Variants in PCDH9 observed in about 807,000 individuals in gnomAD.
PCDH9 encodes protocadherin-9.
Under a neutral mutation model 70.6 loss-of-function variants are expected in PCDH9, and 24 were observed. The observed-to-expected ratio is 0.34, with a 90% confidence interval of 0.25 to 0.48. The LOEUF is 0.48. Among genes scored for constraint, PCDH9 ranks in the 20% least tolerant of loss-of-function variants. The pLI is 0.99. For missense variants in PCDH9, 1,281 were observed against 1,503.6 expected, an observed-to-expected ratio of 0.85 and a Z score of 2.45; for synonymous variants, 562 against 558.5, an observed-to-expected ratio of 1.01 and a Z score of -0.09.
intron 2 of PCDH9, among the ~76,000 whole-genome samples, chr13:67,080,809 C>CA (rs1471516366): frequency 6.6e-6 from 1 of 152,124 alleles, no homozygotes; most frequent in East Asian, 1.9e-4. Flanking sequence ...ACAGAAGTGT[C>CA]AACAGAACAA....
chr13:67,092,685 C>A (rs1453942037), intron 2 of PCDH9, among the ~76,000 whole-genome samples: 2 of 152,178 alleles, frequency 1.3e-5, no homozygotes, highest in African/African-American at 4.8e-5. Flanking sequence ...AGGTACTAAA[C>A]CGCATGATTT....
chr13:66,638,645 T>C (rs1391394974), intron 3 of PCDH9, among the ~76,000 whole-genome samples: 3 of 152,152 alleles, frequency 2.0e-5, no homozygotes, highest in Non-Finnish European at 4.4e-5. Flanking sequence ...AAACTAGCAA[T>C]TTTTTATGAG....
chr13:66,985,854 A>T (rs1445792429), intron 2 of PCDH9: 1 of 151,992 alleles, frequency 6.6e-6, no homozygotes, highest in African/African-American at 2.4e-5. Context: ...CCCTTAATCA[A>T]TCTGGAGAAA....
rs1460994347 is a variant in PCDH9, at chr13:67,080,439, T to C, written c.3036+144966A>G. 3.3e-5 allele frequency among the ~76,000 whole-genome samples: 5 copies of C among 152,286 alleles called. No homozygotes were observed. The East Asian group carries it at 5.8e-4, about 18-fold the overall frequency. On this transcript the variant is annotated intron_variant, in intron 2 of 4. Coordinates refer to ENST00000377865, the MANE Select transcript of PCDH9 (RefSeq NM_203487.3). ...AATGAGAAATGTGTAAAATGGTTAG[T>C]TGGATCAAAATTTTCAAAAATACTA...
At chr13:66,457,474 A>G (rs1372229705) in intron 4 of PCDH9, among the ~76,000 whole-genome samples, 1 of 152,106 alleles carries the variant, frequency 6.6e-6, no homozygotes, top group Non-Finnish European at 1.5e-5. Flanking sequence ...ACCTACAAAT[A>G]GAAAGGTTGT....
intron 2 of PCDH9, among the ~76,000 whole-genome samples, chr13:67,091,445 T>C (rs936816770): frequency 1.3e-5 from 2 of 152,184 alleles, no homozygotes; most frequent in Non-Finnish European, 2.9e-5. Flanking sequence ...TTTCATTGAA[T>C]ATGTTGATTG....
At chr13:66,465,509 C>A (rs960625710) in intron 4 of PCDH9, among the ~76,000 whole-genome samples, 5 of 151,902 alleles carry the variant, frequency 3.3e-5, no homozygotes, top group African/African-American at 1.2e-4. Context: ...TTATATACTT[C>A]AAAATAATTA....
chr13:66,643,636 C>G (rs1593828097), intron 3 of PCDH9, among the ~76,000 whole-genome samples: 4 of 152,078 alleles, frequency 2.6e-5, no homozygotes, highest in South Asian at 4.1e-4. Flanking sequence ...TTCTATATGT[C>G]AAAAGCTTCT....
chr13:66,845,293 G>A (rs940788929), intron 3 of PCDH9, among the ~76,000 whole-genome samples: 5 of 152,206 alleles, frequency 3.3e-5, no homozygotes, highest in African/African-American at 9.6e-5. Context: ...GGTGCCCAAA[G>A]TCCAGAGGGG....
chr13:66,762,195 C>T (rs2139252604), intron 3 of PCDH9, among the ~76,000 whole-genome samples: 1 of 152,096 alleles, frequency 6.6e-6, no homozygotes, highest in South Asian at 2.1e-4. Flanking sequence ...TTCACATTGC[C>T]AGGGTATATC....
chr13:66,694,865 A>G (rs1205489123), intron 3 of PCDH9, among the ~76,000 whole-genome samples: 1 of 151,860 alleles, frequency 6.6e-6, no homozygotes, highest in Non-Finnish European at 1.5e-5. Context: ...AATTAAATAA[A>G]TGAGCATTAC....
intron 4 of PCDH9, among the ~76,000 whole-genome samples, chr13:66,556,137 G>C (rs1961730506): frequency 6.6e-6 from 1 of 151,448 alleles, no homozygotes; most frequent in Admixed American, 6.6e-5. Flanking sequence ...GCATTTTTCT[G>C]CATCTTTGGG....
intron 2 of PCDH9, among the ~76,000 whole-genome samples, chr13:66,958,190 A>G (rs920821388): frequency 6.6e-6 from 1 of 152,240 alleles, no homozygotes; most frequent in African/African-American, 2.4e-5. Context: ...TGGTTGTAGC[A>G]GAGCAACTCC....
intron 2 of PCDH9, among the ~76,000 whole-genome samples, chr13:66,982,648 T>C (rs1414441764): frequency 1.3e-5 from 2 of 152,138 alleles, no homozygotes; most frequent in Non-Finnish European, 2.9e-5. Context: ...TCTTAGATAA[T>C]TTCTGCCACC....
intron 2 of PCDH9, among the ~76,000 whole-genome samples, chr13:67,054,293 C>T (rs950140393): frequency 6.6e-6 from 1 of 152,106 alleles, no homozygotes; most frequent in African/African-American, 2.4e-5. Flanking sequence ...TTTTAATTTG[C>T]AAATAAAGAT....
intron 4 of PCDH9, among the ~76,000 whole-genome samples, chr13:66,454,170 G>A (rs1300399400): frequency 6.6e-6 from 1 of 151,168 alleles, no homozygotes; most frequent in Non-Finnish European, 1.5e-5. Context: ...TTTAAAAAAA[G>A]CATTTTCTTT....
intron 3 of PCDH9, among the ~76,000 whole-genome samples, chr13:66,873,914 G>A (rs1233360000): frequency 1.5e-5 from 2 of 134,696 alleles, no homozygotes; most frequent in South Asian, 4.9e-4. Context: ...TTTTCTTTTC[G>A]TTTCTTTTTT....
At chr13:67,182,943 A>G (rs1236762779) in intron 2 of PCDH9, among the ~76,000 whole-genome samples, 2 of 152,148 alleles carry the variant, frequency 1.3e-5, no homozygotes, top group East Asian at 3.8e-4. Flanking sequence ...CAATCTCCTG[A>G]AAAAGGAAAA....
intron 4 of PCDH9, among the ~76,000 whole-genome samples, chr13:66,450,663 T>C (rs1774410805): frequency 6.6e-6 from 1 of 152,182 alleles, no homozygotes; most frequent in African/African-American, 2.4e-5. Context: ...AATGGTAATC[T>C]ACATCTTAGG....
Sources: allele counts gnomAD v4.1 joint callset (sites outside exome capture counted in the v4.1 genomes callset), GRCh38; gene constraint gnomAD v4.1.1; transcripts MANE v1.5; gene names NCBI Gene and HGNC (gene_info 2026-07-23, HGNC 2026-07-21).